ARHGEF19: variants seen among roughly 807,000 people sequenced by gnomAD.
ARHGEF19 encodes the protein Rho guanine nucleotide exchange factor (GEF) 19.
In ARHGEF19, 92 loss-of-function variants were observed where a neutral mutation model predicts 87.6. The ratio of observed to expected loss-of-function variants is 1.05; its 90% CI spans 0.89 to 1.25. The LOEUF is 1.25. Ranked by LOEUF, ARHGEF19 falls within the 50% of genes most tolerant of loss-of-function variation. ARHGEF19 has a pLI of 0.00. For synonymous variants in ARHGEF19, 438 were observed against 446.2 expected, an observed-to-expected ratio of 0.98 and a Z score of 0.23; for missense variants, 1,054 against 1,051.8, an observed-to-expected ratio of 1.00 and a Z score of -0.03.
chr1:16,207,174 G>A lies in ARHGEF19; in HGVS notation c.911C>T (p.Ala304Val). 2 of 1,530,820 alleles carry A rather than the reference G, an allele frequency of 1.3e-6. No individual in the cohort carries two copies. The highest frequency in any genetic ancestry group is 1.7e-6 in the Non-Finnish European group (2 of 1,142,946). 94.8% of individuals were successfully genotyped at this position (1,530,820 alleles called of 1,614,324 possible). A position where few individuals can be genotyped will look rare whatever the true frequency, so the allele number is the denominator to read the frequency against. ...GCGCTGCTGCCGCCGCAGTTCGCGG[G>A]CGCTGGCCACGTCGCTGTATTCCTG... ...LYQEYSDVAS[A>V]RELRRQQREE... Residue 304 changes from alanine to valine, a missense_variant, in exon 6 of 16, where the codon GCC (alanine) becomes GTC (valine). Physicochemically the swap from Ala to Val is moderately conservative, Grantham distance 64. Transcript: ENST00000270747. The surrounding 1 kb of genome is among the most constrained non-coding windows in gnomAD (Gnocchi z 4.0).
Position 16,205,311 on chromosome 1 carries a change from G to C in ARHGEF19, c.1656+40C>G, listed in dbSNP as rs376034060. On this transcript the variant is annotated intron_variant, in intron 10 of 15. Transcript: ENST00000270747. This position sits in a 1 kb window ranked among gnomAD's most constrained non-coding sequence, Gnocchi z 5.8. ...AGAGACGTGCTGGGGGTCCAGGGGG[G>C]GCCTCAGGAGCCAAGCAGCCCCTGC... The C allele has an allele frequency of 6.8e-6, 11 of 1,612,760 alleles. No homozygotes were observed. The African/African-American group carries it at 9.3e-5, about 14-fold the overall frequency.
intron 1 of ARHGEF19, among the ~76,000 whole-genome samples, chr1:16,210,496 G>A (rs911907343): frequency 3.9e-5 from 6 of 152,304 alleles, no homozygotes; most frequent in Admixed American, 6.5e-5. Flanking sequence ...ACCCCAAGAC[G>A]TTCAAAAACA....
chr1:16,206,670 C>G lies in ARHGEF19; in HGVS notation c.1137+278G>C. On this transcript the variant is annotated intron_variant, in intron 6 of 15. Coordinates refer to ENST00000270747, the MANE Select transcript of ARHGEF19 (RefSeq NM_153213.5). The surrounding 1 kb of genome is among the most constrained non-coding windows in gnomAD (Gnocchi z 4.6). ...GTTTGCTCTTCCAATGGTTCCGCTC[C>G]TCATCCGGCCCTGTCCTATCCTAGG... 1 of 557,922 alleles carries G rather than the reference C, an allele frequency of 1.8e-6. No individual in the cohort carries two copies. Among genetic ancestry groups the G allele is most frequent in the Non-Finnish European group, 3.1e-6 (1 of 319,300 alleles). The allele number at this position is 557,922 out of a possible 1,614,324, so 34.6% of individuals were successfully genotyped here. A position where few individuals can be genotyped will look rare whatever the true frequency, so the allele number is the denominator to read the frequency against.
rs569109568 is a variant in ARHGEF19 at position 16,197,994 on chromosome 1, A to G, written c.*593T>C. ...CTTACAGCTCAGAGATGAACTCTAG[A>G]GAAATGCAAAGCCCCAGTTGGGAGC... On this transcript the variant is annotated 3_prime_UTR_variant, in exon 16 of 16. Coordinates refer to ENST00000270747, the MANE Select transcript of ARHGEF19 (RefSeq NM_153213.5). The G allele has an allele frequency of 6.6e-6, 1 of 152,348 alleles. No individual in the cohort carries two copies. Among genetic ancestry groups the G allele is most frequent in the East Asian group, 1.9e-4 (1 of 5,182 alleles). 9.4% of individuals were successfully genotyped at this position (152,348 alleles called of 1,614,324 possible).
intron 14 of ARHGEF19, among the ~76,000 whole-genome samples, 186 bp from the exon 15 acceptor site, chr1:16,199,440 G>T (rs2081067037): frequency 6.6e-6 from 1 of 152,012 alleles, no homozygotes; most frequent in Non-Finnish European, 1.5e-5. Flanking sequence ...TGCCCACCCT[G>T]GCCTATCTCC....
Position 16,207,893 on chromosome 1 carries a change from AC to A in ARHGEF19, c.694+50del. On this transcript the variant is annotated intron_variant, in intron 3 of 15. Transcript: ENST00000270747. The surrounding 1 kb of genome is among the most constrained non-coding windows in gnomAD (Gnocchi z 4.0). ...CGGTGAGTGGGCATCGCCCACCCCC[AC>A]CCCCACCCGGCATCTGGCTGCCCTC... 3.0e-6 allele frequency: 2 copies of A among 662,832 alleles called. No individual in the cohort carries two copies. The highest frequency in any genetic ancestry group is 2.1e-6 in the Non-Finnish European group (1 of 481,318). The allele number at this position is 662,832 out of a possible 1,614,324, so 41.1% of individuals were successfully genotyped here. A position where few individuals can be genotyped will look rare whatever the true frequency, so the allele number is the denominator to read the frequency against.
intron 14 of ARHGEF19, among the ~76,000 whole-genome samples, chr1:16,201,206 A>G (rs1569698069): frequency 1.3e-5 from 2 of 152,198 alleles, no homozygotes; most frequent in Non-Finnish European, 2.9e-5. Context: ...TGGGCAATAC[A>G]GCAAGACCCT....
At position 16,207,637 on chromosome 1, in the gene ARHGEF19, A is replaced by C. The variant is rs778677339; in HGVS notation, c.797+38T>G. 6.2e-7 allele frequency: 1 copy of C among 1,613,876 alleles called. No individual in the cohort carries two copies. ...AGCGTCACGGCCCTAGTTCGCCTGC[A>C]CCCTGTCTCGGACCCAAGCCCAAAC... On this transcript the variant is annotated intron_variant, in intron 4 of 15. Coordinates refer to ENST00000270747, the MANE Select transcript of ARHGEF19 (RefSeq NM_153213.5). This position sits in a 1 kb window ranked among gnomAD's most constrained non-coding sequence, Gnocchi z 4.0.
Position 16,207,601 on chromosome 1 carries a change from A to G in ARHGEF19, c.798-3T>C, listed in dbSNP as rs1330353870. Reference sequence around the variant, plus strand: ...GCGGCTCTTCCTGTGTGTCTAGCCTAGGAAAGAGAGAGCGTCACGGCCCTA... The same window carrying G: ...GCGGCTCTTCCTGTGTGTCTAGCCTGGGAAAGAGAGAGCGTCACGGCCCTA... On this transcript the variant is annotated splice_region_variant and splice_polypyrimidine_tract_variant and intron_variant, in intron 4 of 15. Coordinates refer to ENST00000270747, the MANE Select transcript of ARHGEF19 (RefSeq NM_153213.5). The surrounding 1 kb of genome is among the most constrained non-coding windows in gnomAD (Gnocchi z 4.0). 6.2e-7 allele frequency: 1 copy of G among 1,613,944 alleles called. No homozygotes were observed. Among genetic ancestry groups the G allele is most frequent in the South Asian group, 1.1e-5 (1 of 91,078 alleles).
Position 16,206,322 on chromosome 1 carries a change from T to A in ARHGEF19, c.1156A>T (p.Thr386Ser). 1 of 1,578,918 alleles carries A rather than the reference T, an allele frequency of 6.3e-7. No individual in the cohort carries two copies. Among genetic ancestry groups the A allele is most frequent in the East Asian group, 2.3e-5 (1 of 43,720 alleles). ...CTGTGGATGTAGGAGGCCTCGGAGG[T>A]GATCAGCTCAAACTTGGCCTGAGGG... ...KLQEAKFELI[T>S]SEASYIHSLS... Residue 386 changes from threonine to serine, a missense_variant, in exon 7 of 16, where the codon ACC (threonine) becomes TCC (serine). By Grantham distance (58) the Thr-to-Ser change is moderately conservative. Transcript: ENST00000270747. The surrounding 1 kb of genome is among the most constrained non-coding windows in gnomAD (Gnocchi z 4.6).
In ARHGEF19 at chr1:16,198,605, C is replaced by G; in HGVS notation, c.2391G>C (p.Leu797=). The change falls in exon 16 of 16, where the codon CTG becomes CTC. Residue 797 remains leucine, a synonymous_variant. Coordinates refer to ENST00000270747, the MANE Select transcript of ARHGEF19 (RefSeq NM_153213.5). This position sits in a 1 kb window ranked among gnomAD's most constrained non-coding sequence, Gnocchi z 4.1. ...CTGCCCATCACACAGGAGCCTCCCC[C>G]AGTTTGCTGGTGGCACTTGTGACTC... The part of the protein sequence containing the change: ...NKRVTSATSK[L]GEAPV 1 of 1,611,278 alleles carries G rather than the reference C, an allele frequency of 6.2e-7. No homozygotes were observed. The highest frequency in any genetic ancestry group is 8.5e-7 in the Non-Finnish European group (1 of 1,178,428).
Position 16,198,449 on chromosome 1 carries a change from C to T in ARHGEF19, c.*138G>A, listed in dbSNP as rs1310358762. 8.6e-7 allele frequency: 1 copy of T among 1,160,266 alleles called. No homozygotes were observed. Among genetic ancestry groups the T allele is most frequent in the Non-Finnish European group, 1.2e-6 (1 of 845,362 alleles). The allele number at this position is 1,160,266 out of a possible 1,614,324, so 71.9% of individuals were successfully genotyped here. ...TCTGGAGGCGCCCCCATTCCTGTGT[C>T]CAGCCTGTGCCCTCAATGCCAAGGC... On this transcript the variant is annotated 3_prime_UTR_variant, in exon 16 of 16. Transcript: ENST00000270747. This position sits in a 1 kb window ranked among gnomAD's most constrained non-coding sequence, Gnocchi z 4.1.
In ARHGEF19 at chr1:16,206,200, C is replaced by T; in HGVS notation, c.1278G>A (p.Glu426=). 2.5e-6 allele frequency: 4 copies of T among 1,598,346 alleles called. No homozygotes were observed. Among genetic ancestry groups the T allele is most frequent in the Admixed American group, 1.7e-5 (1 of 58,210 alleles). The change falls in exon 7 of 16, where the codon GAG becomes GAA. Residue 426 remains glutamate, a synonymous_variant. Transcript: ENST00000270747. The surrounding 1 kb of genome is among the most constrained non-coding windows in gnomAD (Gnocchi z 4.6). ...DKQWLFSKLP[E]VKSTSERFLQ... ...TTCACCTCTCGCTGGTGCTCTTGAC[C>T]TCGGGCAGTTTGGAAAACAGCCACT...
Position 16,205,294 on chromosome 1 carries a change from G to A in ARHGEF19, c.1656+57C>T, listed in dbSNP as rs1013739029. 3 of 1,610,984 alleles carry A rather than the reference G, an allele frequency of 1.9e-6. No homozygotes were observed. Among genetic ancestry groups the A allele is most frequent in the Non-Finnish European group, 2.5e-6 (3 of 1,177,744 alleles). Reference sequence around the variant, plus strand: ...CAGCTGGGGGCTGTTTTAGAGACGTGCTGGGGGTCCAGGGGGGGCCTCAGG... The same window carrying A: ...CAGCTGGGGGCTGTTTTAGAGACGTACTGGGGGTCCAGGGGGGGCCTCAGG... On this transcript the variant is annotated intron_variant, in intron 10 of 15. Coordinates refer to ENST00000270747, the MANE Select transcript of ARHGEF19 (RefSeq NM_153213.5). The surrounding 1 kb of genome is among the most constrained non-coding windows in gnomAD (Gnocchi z 5.8).
Position 16,206,999 on chromosome 1 carries a change from G to C in ARHGEF19, c.1086C>G (p.Arg362=), listed in dbSNP as rs2081143773. Residue 362 remains arginine, a synonymous_variant, in exon 6 of 16, where the codon CGC becomes CGG. Transcript: ENST00000270747. This position sits in a 1 kb window ranked among gnomAD's most constrained non-coding sequence, Gnocchi z 4.6. ...FSLWQDIPDV[R]GSGVLATLSL... is the part of the protein sequence containing the mutation. ...TCAGCGTGGCCAGGACGCCGCTGCCGCGTACGTCGGGGATATCCTGCCACA... is the reference window on the plus strand; with the variant it reads ...TCAGCGTGGCCAGGACGCCGCTGCCCCGTACGTCGGGGATATCCTGCCACA... 2 of 1,516,786 alleles carry C rather than the reference G, an allele frequency of 1.3e-6. No homozygotes were observed. The highest frequency in any genetic ancestry group is 2.1e-5 in the Admixed American group (1 of 47,552). The allele number at this position is 1,516,786 out of a possible 1,614,324, so 94.0% of individuals were successfully genotyped here.
rs1258338412 is a variant in ARHGEF19, at chr1:16,207,081, A to C, written c.1004T>G (p.Leu335Arg). Residue 335 changes from leucine to arginine, a missense_variant, in exon 6 of 16, where the codon CTC becomes CGC. Coordinates refer to ENST00000270747, the MANE Select transcript of ARHGEF19 (RefSeq NM_153213.5). This position sits in a 1 kb window ranked among gnomAD's most constrained non-coding sequence, Gnocchi z 4.0. ...CGCCCGGAAGGAGCTGCTGGGGGAGAGGTTGGCCCGCGGCGGCCCCGGCCC... is the reference window on the plus strand; with the variant it reads ...CGCCCGGAAGGAGCTGCTGGGGGAGCGGTTGGCCCGCGGCGGCCCCGGCCC... ...EEGPGPPRANLSPSSSFRAQR... is the reference protein window; with the variant it reads ...EEGPGPPRANRSPSSSFRAQR... 1 of 1,507,262 alleles carries C rather than the reference A, an allele frequency of 6.6e-7. No homozygotes were observed. Among genetic ancestry groups the C allele is most frequent in the South Asian group, 1.3e-5 (1 of 79,812 alleles). 93.4% of individuals were successfully genotyped at this position (1,507,262 alleles called of 1,614,324 possible).
In ARHGEF19 at chr1:16,198,170, G is replaced by A. The variant is rs2081056402; in HGVS notation, c.*417C>T. On this transcript the variant is annotated 3_prime_UTR_variant, in exon 16 of 16. Coordinates refer to ENST00000270747, the MANE Select transcript of ARHGEF19 (RefSeq NM_153213.5). The surrounding 1 kb of genome is among the most constrained non-coding windows in gnomAD (Gnocchi z 4.1). ...CCAGCACCCACTCAGGCTCTGACCA[G>A]GGGAGGTGGTAGACAAGACCCCAGA... 1 of 154,894 alleles carries A rather than the reference G, an allele frequency of 6.5e-6. No homozygotes were observed. Among genetic ancestry groups the A allele is most frequent in the South Asian group, 2.1e-4 (1 of 4,858 alleles). The allele number at this position is 154,894 out of a possible 1,614,324, so 9.6% of individuals were successfully genotyped here.
In ARHGEF19 at chr1:16,205,095, C is replaced by A; in HGVS notation, c.1738G>T (p.Glu580Ter). The A allele has an allele frequency of 6.2e-7, 1 of 1,603,310 alleles. No homozygotes were observed. Residue 580 changes from glutamate to a stop codon, truncating the protein, a stop_gained, in exon 11 of 16, where the codon GAG becomes TAG. Transcript: ENST00000270747. LOFTEE classifies it high-confidence loss of function. This position sits in a 1 kb window ranked among gnomAD's most constrained non-coding sequence, Gnocchi z 5.8. ...TGGCTGCAGACACACACCTTGCCCT[C>A]AAAGTGGATCTTCTTGCTCAGGTGG... ...LIHLSKKIHF[E>*]GKIFPLISQA...
At position 16,205,788 on chromosome 1, in the gene ARHGEF19, G is replaced by A. The variant is rs2081126036; in HGVS notation, c.1452-121C>T. The A allele has an allele frequency of 2.0e-6, 3 of 1,482,984 alleles. No individual in the cohort carries two copies. Among genetic ancestry groups the A allele is most frequent in the East Asian group, 4.9e-5 (2 of 40,440 alleles). 91.9% of individuals were successfully genotyped at this position (1,482,984 alleles called of 1,614,324 possible). A position where few individuals can be genotyped will look rare whatever the true frequency, so the allele number is the denominator to read the frequency against. On this transcript the variant is annotated intron_variant, in intron 8 of 15. Coordinates refer to ENST00000270747, the MANE Select transcript of ARHGEF19 (RefSeq NM_153213.5). The surrounding 1 kb of genome is among the most constrained non-coding windows in gnomAD (Gnocchi z 5.8). ...CACATCCTTACTGCCCTTTGGGGTT[G>A]CATCTCACCTTATCCTGGTCACAGA...
Sources: gnomAD v4.1 joint callset for allele counts (sites outside exome capture counted in the v4.1 genomes callset) on GRCh38, gnomAD v4.1.1 for gene constraint, Gnocchi (gnomAD v3.1) non-coding constraint, MANE v1.5 for transcripts, NCBI Gene and HGNC (gene_info 2026-07-23, HGNC 2026-07-21) for gene names.